TBC1D5: variants seen among roughly 807,000 people sequenced by gnomAD.
The protein encoded by TBC1D5 is TBC1 domain family, member 5.
In TBC1D5, 75 loss-of-function variants were observed where a neutral mutation model predicts 100.3. The ratio of observed to expected loss-of-function variants is 0.75; its 90% CI spans 0.62 to 0.91. The LOEUF (loss-of-function observed/expected upper bound fraction) is 0.91. Among genes scored for constraint, TBC1D5 ranks in the 40% least tolerant of loss-of-function variants. The pLI is 0.00. For missense variants in TBC1D5, 910 were observed against 942.4 expected (o/e 0.97, Z 0.45); for synonymous variants, 323 against 325.6 (o/e 0.99, Z 0.09).
At chr3:17,542,258 T>C (rs1324943395) in intron 2 of TBC1D5, among the ~76,000 whole-genome samples, 1 of 152,136 alleles carries the variant, frequency 6.6e-6, no homozygotes, top group Non-Finnish European at 1.5e-5. Context: ...ACCACTGCAC[T>C]CCAGCCTGGG....
At chr3:17,295,483 T>C (rs932622175) in intron 14 of TBC1D5, among the ~76,000 whole-genome samples, 4 of 152,220 alleles carry the variant, frequency 2.6e-5, no homozygotes, top group African/African-American at 9.6e-5. Flanking sequence ...CCCACAACTA[T>C]TCTGGAGTGG....
At chr3:17,505,813 GA>G (rs2095838926) in intron 3 of TBC1D5, among the ~76,000 whole-genome samples, 1 of 151,924 alleles carries the variant, frequency 6.6e-6, no homozygotes, top group African/African-American at 2.4e-5. Flanking sequence ...ATAGATCTTG[GA>G]ATTTTATGTG....
intron 2 of TBC1D5, among the ~76,000 whole-genome samples, chr3:17,589,220 G>A (rs541433030): frequency 1.2e-4 from 19 of 152,332 alleles, no homozygotes; most frequent in African/African-American, 3.8e-4. Context: ...TCACTTGGTT[G>A]CTCAAGCTGG....
chr3:17,416,129 T>C (rs2094062429), intron 4 of TBC1D5, among the ~76,000 whole-genome samples: 1 of 152,184 alleles, frequency 6.6e-6, no homozygotes, highest in Non-Finnish European at 1.5e-5. Context: ...CAAACAGAAA[T>C]ACATGTGTGC....
chr3:17,706,543 C>A (rs1048626495), intron 1 of TBC1D5, among the ~76,000 whole-genome samples: 2 of 152,018 alleles, frequency 1.3e-5, no homozygotes, highest in African/African-American at 4.8e-5. Context: ...GAAGTATAAT[C>A]GATAACCATG....
chr3:17,313,520 T>C (rs1326663246), intron 13 of TBC1D5, among the ~76,000 whole-genome samples: 1 of 152,154 alleles, frequency 6.6e-6, no homozygotes, highest in African/African-American at 2.4e-5. Flanking sequence ...AAATAATTAC[T>C]CCTATCCTCC....
chr3:17,579,114 T>A (rs939815422), intron 2 of TBC1D5, among the ~76,000 whole-genome samples: 3 of 152,016 alleles, frequency 2.0e-5, no homozygotes, highest in Non-Finnish European at 4.4e-5. Flanking sequence ...TTCTGTCTCA[T>A]TAATAAGTAT....
At chr3:17,713,484 C>T (rs1341706562) in intron 1 of TBC1D5, among the ~76,000 whole-genome samples, 8 of 151,998 alleles carry the variant, frequency 5.3e-5, no homozygotes, top group Admixed American at 1.3e-4. Flanking sequence ...CCTCATGATC[C>T]GCCCGCCTTG....
intron 2 of TBC1D5, among the ~76,000 whole-genome samples, chr3:17,565,890 A>G (rs2096590483): frequency 6.6e-6 from 1 of 151,964 alleles, no homozygotes; most frequent in Non-Finnish European, 1.5e-5. Context: ...TTTTTCCTCC[A>G]CTAGTCTCTT....
intron 10 of TBC1D5, among the ~76,000 whole-genome samples, chr3:17,375,089 AG>A (rs151075246): frequency 0.09 from 13,636 of 152,154 alleles, 1,392 homozygotes; most frequent in African/African-American, 0.25. Flanking sequence ...TCATTTTATC[AG>A]TCAACTTATC....
At chr3:17,642,727 C>A (rs1002263334) in intron 1 of TBC1D5, among the ~76,000 whole-genome samples, 9 of 152,094 alleles carry the variant, frequency 5.9e-5, no homozygotes, top group African/African-American at 2.2e-4. Flanking sequence ...CAAGATAAAA[C>A]CCAAGACATT....
At chr3:17,309,872 T>C (rs1409141802) in intron 13 of TBC1D5, among the ~76,000 whole-genome samples, 1 of 152,082 alleles carries the variant, frequency 6.6e-6, no homozygotes, top group Non-Finnish European at 1.5e-5. Flanking sequence ...ATACAAATGT[T>C]TGCACTCTTA....
intron 18 of TBC1D5, among the ~76,000 whole-genome samples, chr3:17,195,647 C>T (rs777687594): frequency 7.9e-5 from 12 of 152,254 alleles, no homozygotes; most frequent in Admixed American, 2.0e-4. Context: ...GACAAAAAAC[C>T]GTACCCTGCA....
intron 18 of TBC1D5, among the ~76,000 whole-genome samples, chr3:17,202,517 G>A (rs759551886): frequency 5.3e-5 from 8 of 152,194 alleles, no homozygotes; most frequent in Non-Finnish European, 1.2e-4. Flanking sequence ...GTTAATAGCC[G>A]AGACAATGTG....
At chr3:17,412,923 G>GTT (rs558401261) in intron 4 of TBC1D5, among the ~76,000 whole-genome samples, 167 of 152,248 alleles carry the variant, frequency 1.1e-3, no homozygotes, top group African/African-American at 3.4e-3. Context: ...ATATACCCTT[G>GTT]TTTTCTTCCT....
chr3:17,570,718 T>G (rs1004533873), intron 2 of TBC1D5, among the ~76,000 whole-genome samples: 2 of 151,990 alleles, frequency 1.3e-5, no homozygotes, highest in Admixed American at 6.6e-5. Context: ...CATTATACAC[T>G]CATGTCTATC....
At chr3:17,249,187 G>A (rs2076985499) in intron 16 of TBC1D5, among the ~76,000 whole-genome samples, 1 of 152,182 alleles carries the variant, frequency 6.6e-6, no homozygotes, top group Non-Finnish European at 1.5e-5. Context: ...TATCATTCAT[G>A]TGTCCACTGG....
At chr3:17,528,987 A>G (rs1325912241) in intron 2 of TBC1D5, among the ~76,000 whole-genome samples, 1 of 152,162 alleles carries the variant, frequency 6.6e-6, no homozygotes, top group Non-Finnish European at 1.5e-5. Context: ...AGCTAGCATC[A>G]TCTGGATTAG....
chr3:17,379,368 ATTT>A (rs2092839200), intron 9 of TBC1D5, among the ~76,000 whole-genome samples: 1 of 152,018 alleles, frequency 6.6e-6, no homozygotes, highest in South Asian at 2.1e-4. Flanking sequence ...CCCAAAATAT[ATTT>A]TATAACAAGT....
Sources: gnomAD v4.1 joint callset for allele counts (sites outside exome capture counted in the v4.1 genomes callset) on GRCh38, gnomAD v4.1.1 for gene constraint, MANE v1.5 for transcripts, NCBI Gene and HGNC (gene_info 2026-07-23, HGNC 2026-07-21) for gene names.